Variants in SLC26A7 observed in about 807,000 individuals in gnomAD.
The protein encoded by SLC26A7 is anion exchange transporter.
Under a neutral mutation model 82.5 loss-of-function variants are expected in SLC26A7, and 59 were observed. The ratio of observed to expected loss-of-function variants is 0.72; its 90% CI spans 0.58 to 0.89. The LOEUF (loss-of-function observed/expected upper bound fraction) is 0.89. Among genes scored for constraint, SLC26A7 ranks in the 40% least tolerant of loss-of-function variants. SLC26A7 has a pLI of 0.00. For missense variants in SLC26A7, 820 were observed against 793.0 expected, an observed-to-expected ratio of 1.03 and a Z score of -0.41; for synonymous variants, 271 against 274.3, an observed-to-expected ratio of 0.99 and a Z score of 0.12.
chr8:91,390,432 A>G (rs1814931032), intron 16 of SLC26A7, among the ~76,000 whole-genome samples: 1 of 152,038 alleles, frequency 6.6e-6, no homozygotes, highest in African/African-American at 2.4e-5. Context: ...ATACTAAGTC[A>G]ACAGGGAATT....
intron 6 of SLC26A7, among the ~76,000 whole-genome samples, chr8:91,335,183 G>A (rs906812474): frequency 6.6e-6 from 1 of 152,154 alleles, no homozygotes; most frequent in African/African-American, 2.4e-5. Context: ...TATGATAAAT[G>A]TTGTCTAAAT....
rs537253693 is a variant in SLC26A7, at chr8:91,235,865, A to T, written c.-33-13754A>T. On this transcript the variant is annotated intron_variant, in intron 2 of 5. Transcript: ENST00000522862. The stretch of plus-strand genomic sequence containing the variant: ...TGTGACTTCTATAATATGCTCATAT[A>T]ACAAATAGATTAAATGGGGTCAGAG... 3.9e-4 allele frequency among the ~76,000 whole-genome samples: 60 copies of T among 152,310 alleles called. 1 individual carries two copies. The South Asian group carries it at 7.7e-3, about 19-fold the overall frequency.
At chr8:91,383,174 A>C (rs569385619) in intron 15 of SLC26A7, among the ~76,000 whole-genome samples, 9 of 152,272 alleles carry the variant, frequency 5.9e-5, no homozygotes, top group African/African-American at 2.2e-4. Context: ...ATGAAAATGG[A>C]GATGAAGGAC....
intron 6 of SLC26A7, among the ~76,000 whole-genome samples, chr8:91,334,886 G>C (rs955913148): frequency 2.0e-4 from 30 of 152,020 alleles, no homozygotes; most frequent in African/African-American, 7.0e-4. Context: ...GAAAGGTTTT[G>C]TTACTTACCT....
At chr8:91,258,182 T>C (rs1317416156) in intron 2 of SLC26A7, among the ~76,000 whole-genome samples, 1 of 152,102 alleles carries the variant, frequency 6.6e-6, no homozygotes, top group Non-Finnish European at 1.5e-5. Flanking sequence ...GGTATTAAGC[T>C]AATCCATTTT....
chr8:91,229,808 T>C (rs1810287847), intron 2 of SLC26A7, among the ~76,000 whole-genome samples: 1 of 152,224 alleles, frequency 6.6e-6, no homozygotes, highest in African/African-American at 2.4e-5. Context: ...AAATATAGAA[T>C]GCCCTGGTAA....
intron 2 of SLC26A7, among the ~76,000 whole-genome samples, chr8:91,274,655 A>G (rs1170142856): frequency 6.6e-6 from 1 of 152,238 alleles, no homozygotes; most frequent in Non-Finnish European, 1.5e-5. Context: ...ACTGACAACT[A>G]AATTTCAACA....
chr8:91,214,150 T>C (rs901872067), intron 1 of SLC26A7, among the ~76,000 whole-genome samples: 2 of 151,912 alleles, frequency 1.3e-5, no homozygotes, highest in African/African-American at 4.8e-5. Flanking sequence ...TAAGGTGTGG[T>C]GGTGGAAAAG....
At chr8:91,394,082 A>G in intron 18 of SLC26A7, 43 bp downstream of exon 18, 1 of 1,592,790 alleles carries the variant, frequency 6.3e-7, no homozygotes, top group Non-Finnish European at 8.6e-7. Flanking sequence ...AAGAATATTC[A>G]GAATATAGAA....
At chr8:91,274,192 CCTT>C (rs1182453158) in intron 2 of SLC26A7, among the ~76,000 whole-genome samples, 2 of 152,070 alleles carry the variant, frequency 1.3e-5, no homozygotes, top group Non-Finnish European at 2.9e-5. Context: ...ATTATTGTAA[CCTT>C]ATTATTATCA....
intron 1 of SLC26A7, among the ~76,000 whole-genome samples, chr8:91,212,541 T>C (rs1809950212): frequency 1.3e-5 from 2 of 152,220 alleles, no homozygotes; most frequent in Non-Finnish European, 2.9e-5. Context: ...TAATTCCTTT[T>C]TTATGACAAG....
intron 11 of SLC26A7, among the ~76,000 whole-genome samples, chr8:91,359,282 T>C (rs1245219134): frequency 6.6e-6 from 1 of 152,166 alleles, no homozygotes; most frequent in East Asian, 1.9e-4. Context: ...GTGAAATGAT[T>C]GGATAAGTAG....
chr8:91,220,156 C>G (rs1810135105), intron 2 of SLC26A7, among the ~76,000 whole-genome samples: 1 of 152,080 alleles, frequency 6.6e-6, no homozygotes, highest in South Asian at 2.1e-4. Context: ...CCCACTGAGA[C>G]AGAGATGGGG....
At chr8:91,215,760 G>A (rs1810034273) in intron 1 of SLC26A7, among the ~76,000 whole-genome samples, 1 of 152,156 alleles carries the variant, frequency 6.6e-6, no homozygotes, top group Non-Finnish European at 1.5e-5. Flanking sequence ...AATGACAAAA[G>A]CAGTATTTGT....
At chr8:91,268,881 A>C (rs374434481) in intron 2 of SLC26A7, among the ~76,000 whole-genome samples, 1 of 151,602 alleles carries the variant, frequency 6.6e-6, no homozygotes, top group Non-Finnish European at 1.5e-5. Flanking sequence ...GAGGCTTACA[A>C]AAATTTTTAT....
chr8:91,348,258 C>A, intron 9 of SLC26A7: 1 of 861,808 alleles, frequency 1.2e-6, no homozygotes, highest in Non-Finnish European at 1.4e-6. Flanking sequence ...TTTCTTTCTG[C>A]CCTTTCCCAT....
chr8:91,255,141 T>C (rs1476552538), intron 2 of SLC26A7, among the ~76,000 whole-genome samples: 1 of 152,072 alleles, frequency 6.6e-6, no homozygotes, highest in African/African-American at 2.4e-5. Flanking sequence ...GGGTGGAATA[T>C]GAGAATGTTT....
chr8:91,270,450 G>C (rs1345131108), intron 2 of SLC26A7, among the ~76,000 whole-genome samples: 1 of 152,128 alleles, frequency 6.6e-6, no homozygotes, highest in Non-Finnish European at 1.5e-5. Context: ...TTCCAGGCCT[G>C]GGAAAGACTT....
chr8:91,303,822 G>A (rs184331758), intron 4 of SLC26A7, among the ~76,000 whole-genome samples: 7 of 152,250 alleles, frequency 4.6e-5, no homozygotes, highest in Admixed American at 1.3e-4. Flanking sequence ...TCAACACATC[G>A]TACTTACTCT....
Sources: allele counts gnomAD v4.1 joint callset (sites outside exome capture counted in the v4.1 genomes callset), GRCh38; gene constraint gnomAD v4.1.1; transcripts MANE v1.5; gene names NCBI Gene and HGNC (gene_info 2026-07-23, HGNC 2026-07-21).